PTPRK: variants seen among roughly 807,000 people sequenced by gnomAD.
PTPRK encodes the protein protein tyrosine phosphatase receptor type K.
Under a neutral mutation model 178.0 loss-of-function variants are expected in PTPRK, and 75 were observed. That is an observed-to-expected ratio of 0.42 (90% confidence interval 0.35 to 0.51). The LOEUF (loss-of-function observed/expected upper bound fraction) is 0.51, where lower values mean the gene tolerates loss of function less well. Ranked by LOEUF, PTPRK falls within the 20% of genes least tolerant of loss-of-function variation. The pLI is 0.02. For missense variants in PTPRK, 1,441 were observed against 1,797.8 expected (o/e 0.80, Z 3.59); for synonymous variants, 637 against 620.6 (o/e 1.03, Z -0.39).
At chr6:128,260,584 G>A (rs565584306) in intron 3 of PTPRK, among the ~76,000 whole-genome samples, 1 of 152,242 alleles carries the variant, frequency 6.6e-6, no homozygotes, top group East Asian at 1.9e-4. Flanking sequence ...CTGGAGAAGC[G>A]AAACATGTTT....
At chr6:128,327,836 T>C (rs182998740) in intron 2 of PTPRK, among the ~76,000 whole-genome samples, 7 of 152,104 alleles carry the variant, frequency 4.6e-5, no homozygotes, top group Middle Eastern at 3.4e-3. Context: ...GAAACCAATA[T>C]AGACAGGGGA....
At chr6:128,174,436 ACAG>A (rs1439203544) in intron 7 of PTPRK, among the ~76,000 whole-genome samples, 306 of 152,056 alleles carry the variant, frequency 2.0e-3, no homozygotes, top group Non-Finnish European at 2.9e-3. Context: ...TTTCCAACAT[ACAG>A]ATAAAATAAA....
chr6:128,362,767 T>C (rs1834949221), intron 2 of PTPRK, among the ~76,000 whole-genome samples: 1 of 152,118 alleles, frequency 6.6e-6, no homozygotes, highest in Admixed American at 6.6e-5. Flanking sequence ...CATTGGTGAA[T>C]GGAGGCATAG....
chr6:128,077,290 A>G (rs1784005518), intron 11 of PTPRK, among the ~76,000 whole-genome samples: 1 of 151,988 alleles, frequency 6.6e-6, no homozygotes, highest in South Asian at 2.1e-4. Flanking sequence ...CTCACAGATC[A>G]TTGATTCATG....
chr6:128,069,178 T>C (rs1782372582), intron 11 of PTPRK, among the ~76,000 whole-genome samples: 2 of 152,188 alleles, frequency 1.3e-5, no homozygotes, highest in African/African-American at 4.8e-5. Flanking sequence ...TTCCTAGTTA[T>C]TTAAGCTCCC....
chr6:128,432,184 A>G (rs533832069), intron 1 of PTPRK, among the ~76,000 whole-genome samples: 2 of 152,386 alleles, frequency 1.3e-5, no homozygotes, highest in African/African-American at 4.8e-5. Flanking sequence ...AATGAAAACT[A>G]AACACTGCAC....
chr6:128,181,409 T>C (rs1269778851), intron 7 of PTPRK, among the ~76,000 whole-genome samples: 1 of 152,122 alleles, frequency 6.6e-6, no homozygotes, highest in Non-Finnish European at 1.5e-5. Flanking sequence ...ATTATCAACA[T>C]TTATTCAATC....
intron 3 of PTPRK, among the ~76,000 whole-genome samples, chr6:128,311,315 G>A (rs1827214509): frequency 6.6e-6 from 1 of 152,086 alleles, no homozygotes; most frequent in South Asian, 2.1e-4. Context: ...GGGCCCCTTT[G>A]ATCTGCTGAA....
At chr6:128,196,748 G>C (rs1175029356) in intron 6 of PTPRK, among the ~76,000 whole-genome samples, 5 of 152,050 alleles carry the variant, frequency 3.3e-5, no homozygotes, top group Admixed American at 6.6e-5. Flanking sequence ...GAGCTTCCTA[G>C]TCTACTTTGA....
At chr6:128,407,932 T>C (rs1255774677) in intron 1 of PTPRK, among the ~76,000 whole-genome samples, 1 of 152,208 alleles carries the variant, frequency 6.6e-6, no homozygotes, top group African/African-American at 2.4e-5. Flanking sequence ...AAGATAGCAT[T>C]TGAAGTCTGG....
At chr6:128,093,308 G>A (rs556391219) in intron 7 of PTPRK, among the ~76,000 whole-genome samples, 3 of 151,998 alleles carry the variant, frequency 2.0e-5, no homozygotes, top group East Asian at 3.9e-4. Context: ...AGGAAACAAA[G>A]TGATGCTGGG....
At chr6:128,022,416 C>A (rs1206595865) in intron 13 of PTPRK, among the ~76,000 whole-genome samples, 1 of 152,112 alleles carries the variant, frequency 6.6e-6, no homozygotes, top group Non-Finnish European at 1.5e-5. Flanking sequence ...TACTCAGCAG[C>A]CTTTAAGCAA....
At chr6:128,140,718 G>A (rs1195802201) in intron 7 of PTPRK, among the ~76,000 whole-genome samples, 1 of 151,918 alleles carries the variant, frequency 6.6e-6, no homozygotes, top group Non-Finnish European at 1.5e-5. Flanking sequence ...AATAAAGAAG[G>A]TAGATATAAG....
At chr6:128,351,213 C>T (rs917832776) in intron 2 of PTPRK, among the ~76,000 whole-genome samples, 9 of 152,102 alleles carry the variant, frequency 5.9e-5, no homozygotes, top group Non-Finnish European at 1.3e-4. Flanking sequence ...CATTACTGTG[C>T]CAAAATAAGC....
At chr6:128,175,776 AT>A (rs972788451) in intron 7 of PTPRK, among the ~76,000 whole-genome samples, 5 of 151,840 alleles carry the variant, frequency 3.3e-5, no homozygotes, top group Non-Finnish European at 7.4e-5. Flanking sequence ...ATTTAAAAAA[AT>A]AATTTGGGTA....
chr6:128,224,288 T>C (rs1228852591), intron 5 of PTPRK, among the ~76,000 whole-genome samples: 1 of 152,214 alleles, frequency 6.6e-6, no homozygotes, highest in African/African-American at 2.4e-5. Flanking sequence ...TGGATAAAAC[T>C]TGTCACTTAC....
chr6:128,230,930 T>C (rs1269540726), intron 5 of PTPRK: 3 of 152,226 alleles, frequency 2.0e-5, no homozygotes, highest in African/African-American at 7.2e-5. Flanking sequence ...TGATCAGTTA[T>C]GTAATCTGTA....
In PTPRK at chr6:128,520,552, G is replaced by T; in HGVS notation, c.-194C>A. The T allele has an allele frequency of 1.7e-6, 1 of 576,372 alleles. No individual in the cohort carries two copies. Among genetic ancestry groups the T allele is most frequent in the Admixed American group, 3.0e-5 (1 of 32,896 alleles). The allele number at this position is 576,372 out of a possible 1,614,324, so 35.7% of individuals were successfully genotyped here. ...GAAAGCGTCGCCAGCGTCGCCGGCC[G>T]GCCGCGGCGGCAGCTCTCCATGCTC... On this transcript the variant is annotated 5_prime_UTR_variant, in exon 1 of 30. Coordinates refer to ENST00000368226, the MANE Select transcript of PTPRK (RefSeq NM_002844.4).
chr6:128,388,911 C>G (rs926335334), intron 2 of PTPRK, among the ~76,000 whole-genome samples: 2 of 152,062 alleles, frequency 1.3e-5, no homozygotes, highest in Non-Finnish European at 2.9e-5. Flanking sequence ...AAATTGCCAC[C>G]CTACTTTCCT....
Sources: gnomAD v4.1 joint callset for allele counts (sites outside exome capture counted in the v4.1 genomes callset) on GRCh38, gnomAD v4.1.1 for gene constraint, MANE v1.5 for transcripts, NCBI Gene and HGNC (gene_info 2026-07-23, HGNC 2026-07-21) for gene names.